The following KCNT2 variants were observed in gnomAD, a reference collection of about 807,000 sequenced individuals.
The protein encoded by KCNT2 is potassium sodium-activated channel subfamily T member 2.
KCNT2 carries 67 observed loss-of-function variants against 153.8 expected under a neutral mutation model. The ratio of observed to expected loss-of-function variants is 0.44; its 90% CI spans 0.36 to 0.53. The LOEUF is 0.53. Ranked by LOEUF, KCNT2 falls within the 20% of genes least tolerant of loss-of-function variation. The probability of loss-of-function intolerance (pLI) is 0.00; values close to 1 mark genes in which losing one functional copy is unlikely to be tolerated. For synonymous variants in KCNT2, 500 were observed against 458.8 expected, an observed-to-expected ratio of 1.09 and a Z score of -1.15; for missense variants, 975 against 1,354.8, an observed-to-expected ratio of 0.72 and a Z score of 4.40.
chr1:196,350,518 T>A (rs1666576699), intron 14 of KCNT2, among the ~76,000 whole-genome samples: 1 of 152,118 alleles, frequency 6.6e-6, no homozygotes, highest in Admixed American at 6.6e-5. Context: ...TTGAGAAGTG[T>A]CTGTTCATAT....
chr1:196,233,186 C>T (rs1352063335), intron 27 of KCNT2, among the ~76,000 whole-genome samples: 1 of 151,340 alleles, frequency 6.6e-6, no homozygotes. Context: ...TTTATAAATT[C>T]AATATCACCA....
chr1:196,598,855 A>G (rs1039965282), intron 1 of KCNT2, among the ~76,000 whole-genome samples: 2 of 152,212 alleles, frequency 1.3e-5, no homozygotes, highest in Non-Finnish European at 2.9e-5. Flanking sequence ...AAAATGTTTG[A>G]CACATGCTAA....
chr1:196,550,358 T>G (rs1444100347), intron 1 of KCNT2, among the ~76,000 whole-genome samples: 1 of 151,912 alleles, frequency 6.6e-6, no homozygotes, highest in Non-Finnish European at 1.5e-5. Context: ...CTGTTTTGCT[T>G]CAAGCACCAT....
At chr1:196,387,949 A>G (rs1374443957) in intron 13 of KCNT2, among the ~76,000 whole-genome samples, 1 of 123,482 alleles carries the variant, frequency 8.1e-6, no homozygotes. Flanking sequence ...TTTTTCTCTT[A>G]TGGTTTGTGG....
chr1:196,496,766 C>T (rs1680292223), intron 1 of KCNT2, among the ~76,000 whole-genome samples: 1 of 152,118 alleles, frequency 6.6e-6, no homozygotes, highest in Non-Finnish European at 1.5e-5. Context: ...GGGACGCCAT[C>T]ACATTGCAAG....
At chr1:196,280,714 T>A (rs1041048989) in intron 25 of KCNT2, 146 bp downstream of exon 25, 5 of 714,298 alleles carry the variant, frequency 7.0e-6, no homozygotes, top group African/African-American at 5.4e-5. Context: ...TGAAAAAAAA[T>A]TTGGTTCTGA....
At chr1:196,561,611 A>G (rs7529118) in intron 1 of KCNT2, among the ~76,000 whole-genome samples, 130,845 of 133,132 alleles carry the variant, frequency 0.98, 64,343 homozygotes, top group Middle Eastern at 1. Context: ...CTGAGATCAC[A>G]CCACTGCACT....
chr1:196,520,374 C>A (rs111596037), intron 1 of KCNT2, among the ~76,000 whole-genome samples: 8,747 of 151,806 alleles, frequency 0.058, 392 homozygotes, highest in Non-Finnish European at 0.085. Context: ...AAGCTAGAAG[C>A]ATTATACTTG....
intron 1 of KCNT2, among the ~76,000 whole-genome samples, chr1:196,498,109 G>T (rs1038934974): frequency 6.6e-6 from 1 of 151,168 alleles, no homozygotes; most frequent in Non-Finnish European, 1.5e-5. Context: ...CTTTTGTTCT[G>T]GTACTTGAGT....
chr1:196,478,375 T>A (rs1678715272), intron 5 of KCNT2, among the ~76,000 whole-genome samples: 1 of 152,224 alleles, frequency 6.6e-6, no homozygotes, highest in Non-Finnish European at 1.5e-5. Context: ...CAGAATCTTG[T>A]GTTAGTCATC....
intron 8 of KCNT2, among the ~76,000 whole-genome samples, chr1:196,456,321 GA>G (rs1350643045): frequency 6.6e-6 from 1 of 151,628 alleles, no homozygotes; most frequent in Admixed American, 6.6e-5. Context: ...TTGATTTACT[GA>G]CAAAATCCTT....
At chr1:196,291,463 CT>C (rs1393770242) in intron 22 of KCNT2, among the ~76,000 whole-genome samples, 1 of 152,036 alleles carries the variant, frequency 6.6e-6, no homozygotes, top group African/African-American at 2.4e-5. Flanking sequence ...ATTACTTTCT[CT>C]TTTAATTCTG....
intron 25 of KCNT2, among the ~76,000 whole-genome samples, chr1:196,276,401 C>A (rs1272504200): frequency 6.6e-6 from 1 of 151,960 alleles, no homozygotes; most frequent in Non-Finnish European, 1.5e-5. Context: ...AATAATTCAT[C>A]CTGAACTCTT....
chr1:196,248,902 A>T (rs1655690593), intron 26 of KCNT2, among the ~76,000 whole-genome samples: 1 of 152,212 alleles, frequency 6.6e-6, no homozygotes, highest in Non-Finnish European at 1.5e-5. Context: ...TTGATGCAAA[A>T]ATCCTCAGCA....
chr1:196,373,284 A>G (rs1428625314), intron 13 of KCNT2, 36 bp from the exon 14 acceptor site: 2 of 890,408 alleles, frequency 2.2e-6, no homozygotes, highest in East Asian at 4.9e-5. Context: ...AGAATAATTT[A>G]CCTTTGGAGA....
intron 1 of KCNT2, among the ~76,000 whole-genome samples, chr1:196,500,396 A>G (rs1055570127): frequency 6.6e-6 from 1 of 152,174 alleles, no homozygotes; most frequent in African/African-American, 2.4e-5. Context: ...GGATGGGGAC[A>G]GAGTTGGAAC....
chr1:196,531,442 C>T (rs75238428), intron 1 of KCNT2, among the ~76,000 whole-genome samples: 2,628 of 152,112 alleles, frequency 0.017, 80 homozygotes, highest in African/African-American at 0.059. Flanking sequence ...AACTGTTCTG[C>T]GACTCTATTT....
Position 196,465,300 on chromosome 1 carries a change from A to C in KCNT2, c.631T>G (p.Phe211Val). 1 of 1,534,468 alleles carries C rather than the reference A, an allele frequency of 6.5e-7. No homozygotes were observed. The highest frequency in any genetic ancestry group is 9.0e-7 in the Non-Finnish European group (1 of 1,109,474). ...ILISTLLCLI[F>V]TCICGIQHLE... ...TGATATGTACAATCTTACCAGGTGA[A>C]GATAAGGCATAGTAATGTAGATATT... The change falls in exon 8 of 28, where the codon TTC becomes GTC. Residue 211 changes from phenylalanine to valine, a missense_variant. Phe to Val is a conservative substitution (Grantham distance 50, BLOSUM62 -1). Transcript: ENST00000294725.
chr1:196,488,723 A>G (rs1679626323), intron 3 of KCNT2, among the ~76,000 whole-genome samples: 1 of 152,032 alleles, frequency 6.6e-6, no homozygotes, highest in Non-Finnish European at 1.5e-5. Flanking sequence ...ATTGTGCAAC[A>G]CACTATCAAT....
Sources: gnomAD v4.1 joint callset for allele counts (sites outside exome capture counted in the v4.1 genomes callset) on GRCh38, gnomAD v4.1.1 for gene constraint, MANE v1.5 for transcripts, NCBI Gene and HGNC (gene_info 2026-07-23, HGNC 2026-07-21) for gene names.